The following NME9 variants were observed in gnomAD, a reference collection of about 807,000 sequenced individuals.
The protein encoded by NME9 is thioredoxin domain-containing protein 6.
NME9 carries 48 observed loss-of-function variants against 44.4 expected under a neutral mutation model. That is an observed-to-expected ratio of 1.08 (90% CI 0.86 to 1.37). NME9 has a LOEUF of 1.37. NME9 is among the 40% of genes most tolerant of loss of function. The probability of loss-of-function intolerance (pLI) is 0.00; values close to 1 mark genes in which losing one functional copy is unlikely to be tolerated. For synonymous variants in NME9, 139 were observed against 147.1 expected (o/e 0.94, Z 0.40); for missense variants, 325 against 405.2 (o/e 0.80, Z 1.70).
chr3:138,289,386 GA>G (rs2050733259), intron 8 of NME9, among the ~76,000 whole-genome samples: 1 of 152,222 alleles, frequency 6.6e-6, no homozygotes, highest in Admixed American at 6.5e-5. Flanking sequence ...CCTGCCAGGA[GA>G]GAGCTGATGA....
downstream of NME9, among the ~76,000 whole-genome samples, chr3:138,298,938 G>C (rs2051702703): frequency 6.6e-6 from 1 of 152,182 alleles, no homozygotes. Context: ...GGGAACCTCT[G>C]AGAGGACCCA....
chr3:138,317,210 A>G (rs1377462395), intron 4 of NME9, among the ~76,000 whole-genome samples: 1 of 152,122 alleles, frequency 6.6e-6, no homozygotes, highest in Non-Finnish European at 1.5e-5. Context: ...CCTCCCAACC[A>G]TGTTATCTCA....
At chr3:138,262,464 C>T (rs1576824428) in exon 9 of NME9, 9 of 1,520,232 alleles carry the variant, frequency 5.9e-6, no homozygotes, top group Non-Finnish European at 8.1e-6. Context: ...ATTTTCTTCT[C>T]TTCTTGTTTG....
At chr3:138,263,025 G>C (rs2047907902) in intron 8 of NME9, among the ~76,000 whole-genome samples, 1 of 152,194 alleles carries the variant, frequency 6.6e-6, no homozygotes, top group Non-Finnish European at 1.5e-5. Context: ...CTCAACAAAT[G>C]TGTTTGTTAA....
chr3:138,274,929 C>T (rs951335480), intron 8 of NME9, among the ~76,000 whole-genome samples: 2 of 152,308 alleles, frequency 1.3e-5, no homozygotes, highest in Admixed American at 6.5e-5. Flanking sequence ...TCCTGCGACT[C>T]GCTGATAAAA....
chr3:138,281,549 C>T (rs1417196516), intron 8 of NME9, among the ~76,000 whole-genome samples: 5 of 152,088 alleles, frequency 3.3e-5, no homozygotes, highest in Admixed American at 6.5e-5. Flanking sequence ...CTTTGGTCTC[C>T]CAGAGTGCTG....
intron 8 of NME9, among the ~76,000 whole-genome samples, chr3:138,278,573 A>G (rs1200392844): frequency 6.6e-6 from 1 of 152,064 alleles, no homozygotes; most frequent in Non-Finnish European, 1.5e-5. Flanking sequence ...ACTGTATTTC[A>G]TAATTCTGTT....
At chr3:138,328,791 G>T (rs2053951870) in intron 1 of NME9, among the ~76,000 whole-genome samples, 1 of 152,164 alleles carries the variant, frequency 6.6e-6, no homozygotes, top group African/African-American at 2.4e-5. Context: ...TATAACATAT[G>T]TCCAGCACAT....
At chr3:138,270,515 C>G (rs1031239038) in intron 8 of NME9, among the ~76,000 whole-genome samples, 1 of 152,062 alleles carries the variant, frequency 6.6e-6, no homozygotes, top group African/African-American at 2.4e-5. Flanking sequence ...GAGTTCTTAC[C>G]ATACTTTATA....
chr3:138,301,208 T>TTTA lies in NME9; in HGVS notation c.*429_*431dup, dbSNP rs1026067756. 1.5e-5 allele frequency: 11 copies of TTTA among 752,546 alleles called. No homozygotes were observed. In the South Asian group the frequency reaches 3.6e-4, roughly 25 times the overall value. The allele number at this position is 752,546 out of a possible 1,614,324, so 46.6% of individuals were successfully genotyped here. On this transcript the variant is annotated 3_prime_UTR_variant, in exon 11 of 11. Coordinates refer to ENST00000333911, the MANE Select transcript of NME9 (RefSeq NM_001349018.2). Reference sequence around the variant, plus strand: ...ACTATTCTCTTTCTTTACTTTTTTTTTTATTATTATTATTAAGATGGAGTC... The same window carrying TTTA: ...ACTATTCTCTTTCTTTACTTTTTTTTTTATTATTATTATTATTAAGATGGAGTC...
intron 8 of NME9, among the ~76,000 whole-genome samples, chr3:138,277,916 A>T (rs1366483864): frequency 1.3e-5 from 2 of 152,216 alleles, no homozygotes; most frequent in Non-Finnish European, 2.9e-5. Context: ...TCACAGTCAC[A>T]ATAAAGAGGG....
intron 6 of NME9, among the ~76,000 whole-genome samples, chr3:138,308,899 T>C (rs1254982955): frequency 7.7e-6 from 1 of 130,554 alleles, no homozygotes; most frequent in East Asian, 2.2e-4. Context: ...CAATAGAAAC[T>C]ATATAGGCCA....
At chr3:138,263,063 T>G (rs2047910817) in intron 8 of NME9, among the ~76,000 whole-genome samples, 1 of 152,234 alleles carries the variant, frequency 6.6e-6, no homozygotes, top group African/African-American at 2.4e-5. Context: ...CATGAGTACT[T>G]TATTCTAATA....
intron 8 of NME9, among the ~76,000 whole-genome samples, chr3:138,293,879 C>A (rs1055298265): frequency 3.9e-5 from 6 of 152,198 alleles, no homozygotes; most frequent in African/African-American, 1.2e-4. Context: ...CTTGCTTAGA[C>A]CACTCTGGTG....
intron 8 of NME9, chr3:138,263,817 G>A (rs370444146): frequency 1.1e-5 from 17 of 1,613,508 alleles, no homozygotes; most frequent in Middle Eastern, 3.3e-4. Flanking sequence ...GTTAGCTGCC[G>A]TCAGGTATGA....
intron 8 of NME9, among the ~76,000 whole-genome samples, chr3:138,275,061 A>G (rs1055103229): frequency 2.6e-5 from 4 of 152,166 alleles, no homozygotes; most frequent in South Asian, 4.1e-4. Flanking sequence ...TAAAGTACGA[A>G]GCTGTGCATT....
intron 8 of NME9, among the ~76,000 whole-genome samples, chr3:138,286,028 TC>T (rs2050374085): frequency 6.6e-6 from 1 of 152,112 alleles, no homozygotes; most frequent in Non-Finnish European, 1.5e-5. Context: ...CACCACAACT[TC>T]CACCTGTAGG....
In NME9 at chr3:138,329,755, T is replaced by C; in HGVS notation, c.-420A>G. 1.0e-6 allele frequency: 1 copy of C among 1,004,126 alleles called. No individual in the cohort carries two copies. The highest frequency in any genetic ancestry group is 1.2e-6 in the Non-Finnish European group (1 of 842,148). 62.2% of individuals were successfully genotyped at this position (1,004,126 alleles called of 1,614,324 possible). On this transcript the variant is annotated 5_prime_UTR_variant, in exon 1 of 11. Coordinates refer to ENST00000333911, the MANE Select transcript of NME9 (RefSeq NM_001349018.2). The stretch of plus-strand genomic sequence containing the variant: ...TATCCCTGCTGTTCTTATGGATTAC[T>C]GGGAAAGTGAGCCACTGCGAACGAC...
chr3:138,328,599 T>G (rs1417509721), intron 1 of NME9, among the ~76,000 whole-genome samples: 1 of 152,168 alleles, frequency 6.6e-6, no homozygotes, highest in Non-Finnish European at 1.5e-5. Flanking sequence ...GTTCCCATGT[T>G]GCAGATCATC....
Sources: allele counts gnomAD v4.1 joint callset (sites outside exome capture counted in the v4.1 genomes callset), GRCh38; gene constraint gnomAD v4.1.1; transcripts MANE v1.5; gene names NCBI Gene and HGNC (gene_info 2026-07-23, HGNC 2026-07-21).